ETV6: variants seen among roughly 807,000 people sequenced by gnomAD.
ETV6 encodes the protein transcription factor ETV6.
Under a neutral mutation model 51.1 loss-of-function variants are expected in ETV6, and 16 were observed. The observed-to-expected ratio is 0.31, with a 90% confidence interval of 0.21 to 0.48. The LOEUF (loss-of-function observed/expected upper bound fraction) is 0.48, where lower values mean the gene tolerates loss of function less well. Among genes scored for constraint, ETV6 ranks in the 20% least tolerant of loss-of-function variants. ETV6 has a pLI of 0.99. For missense variants in ETV6, 458 were observed against 594.8 expected (o/e 0.77, Z 2.39); for synonymous variants, 240 against 224.1 (o/e 1.07, Z -0.64).
In ETV6 at chr12:11,890,929, C is replaced by T. The variant is rs72550781; in HGVS notation, c.1254-12C>T. 10,149 of 1,608,486 alleles carry T rather than the reference C, an allele frequency of 6.3e-3. 542 individuals are homozygous for T. In the African/African-American group the frequency reaches 0.12, roughly 19 times the overall value. On this transcript the variant is annotated splice_polypyrimidine_tract_variant and intron_variant, in intron 7 of 7. Transcript: ENST00000396373. ...ATGGAATCTCTTACCTCCTCCACTT[C>T]TTCTTCCAAAGGTTTATGAAAACCC...
At chr12:11,721,236 C>A (rs1022110189) in intron 1 of ETV6, among the ~76,000 whole-genome samples, 8 of 152,166 alleles carry the variant, frequency 5.3e-5, no homozygotes, top group African/African-American at 1.9e-4. Flanking sequence ...GAAACTAGAT[C>A]ATTATACCAA....
At chr12:11,888,980 T>C (rs1440978394) in intron 7 of ETV6, among the ~76,000 whole-genome samples, 5 of 152,084 alleles carry the variant, frequency 3.3e-5, no homozygotes, top group Admixed American at 6.6e-5. Context: ...ACAACTAGAT[T>C]ATAAGCTCCT....
intron 2 of ETV6, among the ~76,000 whole-genome samples, chr12:11,803,243 A>G (rs1385031929): frequency 6.6e-6 from 1 of 152,216 alleles, no homozygotes; most frequent in Non-Finnish European, 1.5e-5. Flanking sequence ...GACTTTTGAG[A>G]TTATATTCCT....
At chr12:11,706,394 C>T (rs767418196) in intron 1 of ETV6, among the ~76,000 whole-genome samples, 27 of 152,110 alleles carry the variant, frequency 1.8e-4, no homozygotes, top group African/African-American at 2.4e-5. Context: ...TGGAAGAGCC[C>T]AGCACTATCA....
chr12:11,756,700 G>A (rs983129696), intron 2 of ETV6, among the ~76,000 whole-genome samples: 3 of 152,060 alleles, frequency 2.0e-5, no homozygotes, highest in African/African-American at 7.2e-5. Flanking sequence ...CCCAAAGGCC[G>A]CCCTTTTTCT....
chr12:11,829,827 AC>A (rs1946215816), intron 2 of ETV6, among the ~76,000 whole-genome samples: 2 of 152,202 alleles, frequency 1.3e-5, no homozygotes, highest in South Asian at 4.1e-4. Flanking sequence ...GTGCTGAGAT[AC>A]AGGCTAACCT....
intron 2 of ETV6, among the ~76,000 whole-genome samples, chr12:11,822,356 A>G (rs922424348): frequency 2.0e-5 from 3 of 152,218 alleles, no homozygotes; most frequent in African/African-American, 7.2e-5. Context: ...GATGTCAGGA[A>G]GTTTTTGTTA....
chr12:11,664,061 G>C lies in ETV6; in HGVS notation c.33+13901G>C, dbSNP rs114188208. On this transcript the variant is annotated intron_variant, in intron 1 of 7. Transcript: ENST00000396373. ...ATCACCTCCCCATCAGCAAACTAGC[G>C]TTTGGGTTCCCACGTTGGCAAAGCA... 7.5e-3 allele frequency among the ~76,000 whole-genome samples: 1,140 copies of C among 152,264 alleles called. 11 individuals carry two copies. Among genetic ancestry groups the C allele is most frequent in the African/African-American group, 0.026 (1,063 of 41,554 alleles).
intron 2 of ETV6, among the ~76,000 whole-genome samples, chr12:11,760,877 T>C (rs1565515598): frequency 1.3e-5 from 1 of 74,740 alleles, no homozygotes; most frequent in Non-Finnish European, 3.3e-5. Context: ...TTATTATATA[T>C]ATGTGTGTGT....
chr12:11,669,902 C>T (rs1339645649), intron 1 of ETV6, among the ~76,000 whole-genome samples: 1 of 152,142 alleles, frequency 6.6e-6, no homozygotes, highest in African/African-American at 2.4e-5. Context: ...GCAGGTGTGC[C>T]TCATCCCCTG....
rs530260122 is a variant in ETV6, at chr12:11,653,512, T to C, written c.33+3352T>C. 4.6e-4 allele frequency among the ~76,000 whole-genome samples: 70 copies of C among 152,358 alleles called. 1 individual carries two copies. The highest frequency in any genetic ancestry group is 1.6e-3 in the African/African-American group (67 of 41,584). On this transcript the variant is annotated intron_variant, in intron 1 of 7. Transcript: ENST00000396373. ...GGGAGACTCTTTCGAGCTCCCCTTC[T>C]GGACTCTGGGCTCCTTGGGTTTAGT...
intron 2 of ETV6, among the ~76,000 whole-genome samples, chr12:11,758,467 ATT>A (rs1228107171): frequency 1.3e-5 from 2 of 152,168 alleles, no homozygotes; most frequent in African/African-American, 2.4e-5. Context: ...TCTGTGTATT[ATT>A]GAGACTAATC....
intron 1 of ETV6, among the ~76,000 whole-genome samples, chr12:11,708,983 G>A (rs1025907464): frequency 2.6e-5 from 4 of 152,212 alleles, no homozygotes; most frequent in African/African-American, 9.6e-5. Context: ...AGAGACAGTT[G>A]ATCAGAGAAA....
rs79946282 is a variant in ETV6 at position 11,894,545 on chromosome 12, C to A, written c.*3499C>A. ...TAGACCAATGGATTTTCTCCTTTCA[C>A]CAGTATGTTTGGAACCCTCTGATCC... On this transcript the variant is annotated 3_prime_UTR_variant, in exon 8 of 8. Transcript: ENST00000396373. 413 of 233,234 alleles carry A rather than the reference C, an allele frequency of 1.8e-3. 4 individuals carry two copies. Among genetic ancestry groups the A allele is most frequent in the African/African-American group, 8.6e-3 (393 of 45,470 alleles). 14.4% of individuals were successfully genotyped at this position (233,234 alleles called of 1,614,324 possible). A position where few individuals can be genotyped will look rare whatever the true frequency, so the allele number is the denominator to read the frequency against.
intron 4 of ETV6, among the ~76,000 whole-genome samples, chr12:11,854,567 A>T (rs1946603754): frequency 6.6e-6 from 1 of 152,160 alleles, no homozygotes; most frequent in African/African-American, 2.4e-5. Flanking sequence ...ATTACAGAAA[A>T]TTTCAAACAT....
chr12:11,821,961 C>T (rs1946087408), intron 2 of ETV6, among the ~76,000 whole-genome samples: 1 of 152,206 alleles, frequency 6.6e-6, no homozygotes, highest in Non-Finnish European at 1.5e-5. Flanking sequence ...TTTCCCCAAA[C>T]CGGTTGTGCT....
chr12:11,880,067 T>C (rs1455679041), intron 5 of ETV6, among the ~76,000 whole-genome samples: 1 of 149,944 alleles, frequency 6.7e-6, no homozygotes, highest in East Asian at 1.9e-4. Context: ...AAAAATCTAT[T>C]GTGTGGTCAG....
chr12:11,669,373 T>TCCTCCCTTCCTC (rs1555112289), intron 1 of ETV6, among the ~76,000 whole-genome samples: 102 of 129,434 alleles, frequency 7.9e-4, no homozygotes, highest in Admixed American at 1.3e-3. Flanking sequence ...CTTCCTCCCT[T>TCCTCCCTTCCTC]CCTCCCTCCC....
chr12:11,676,039 C>T (rs928049321), intron 1 of ETV6, among the ~76,000 whole-genome samples: 1 of 152,196 alleles, frequency 6.6e-6, no homozygotes, highest in Admixed American at 6.5e-5. Context: ...GTTCCCATCT[C>T]ATTCCTTGCC....
Sources: gnomAD v4.1 joint callset for allele counts (sites outside exome capture counted in the v4.1 genomes callset) on GRCh38, gnomAD v4.1.1 for gene constraint, MANE v1.5 for transcripts, NCBI Gene and HGNC (gene_info 2026-07-23, HGNC 2026-07-21) for gene names.